Variants in PRRG1 observed in about 807,000 individuals in gnomAD.
PRRG1 encodes proline rich and Gla domain 1, also known as transmembrane gamma-carboxyglutamic acid protein 1.
In PRRG1, 5 loss-of-function variants were observed where a neutral mutation model predicts 11.8. The ratio of observed to expected loss-of-function variants is 0.42; its 90% CI spans 0.22 to 0.89. The LOEUF is 0.89. PRRG1 is among the 40% of genes least tolerant of loss of function. PRRG1 has a pLI of 0.28. For missense variants in PRRG1, 155 were observed against 166.1 expected (o/e 0.93, Z 0.37); for synonymous variants, 66 against 60.4 (o/e 1.09, Z -0.43).
intron 3 of PRRG1, among the ~76,000 whole-genome samples, chrX:37,438,859 G>A (rs782647711): frequency 1.4e-4 from 16 of 112,028 alleles, no homozygotes; most frequent in African/African-American, 4.9e-4. Context: ...TCTGGATGGG[G>A]TGACTACTGT....
At chrX:37,430,257 G>GA (rs112360266) in intron 3 of PRRG1, among the ~76,000 whole-genome samples, 29,706 of 108,578 alleles carry the variant, frequency 0.27, 5,849 homozygotes, top group African/African-American at 0.69. Flanking sequence ...ATAGAGCTAG[G>GA]AAAAAAAAAT....
At position 37,456,270 on chromosome X, in the gene PRRG1, GTT is replaced by G. The variant is rs1921356034; in HGVS notation, c.*2652_*2653del. 8.9e-6 allele frequency: 1 copy of G among 112,053 alleles called. No homozygotes were observed. The highest frequency in any genetic ancestry group is 1.9e-5 in the Non-Finnish European group (1 of 53,188). 9.2% of individuals were successfully genotyped at this position (112,053 alleles called of 1,213,427 possible). On this transcript the variant is annotated 3_prime_UTR_variant, in exon 4 of 4. Coordinates refer to ENST00000378628, the MANE Select transcript of PRRG1 (RefSeq NM_001142395.2). ...GTGTAAGGGGGTCCAGAGACCAAAAGTTTTAGAGCTACAGGATTAGACATAGG... is the reference window on the plus strand; with the variant it reads ...GTGTAAGGGGGTCCAGAGACCAAAAGTTAGAGCTACAGGATTAGACATAGG...
intron 2 of PRRG1, among the ~76,000 whole-genome samples, chrX:37,415,693 G>A (rs1932476358): frequency 8.9e-6 from 1 of 111,734 alleles, no homozygotes; most frequent in Non-Finnish European, 1.9e-5. Flanking sequence ...GTCTTAGGCC[G>A]AATTTTGCTA....
At chrX:37,403,398 C>A (rs10442524) in intron 1 of PRRG1, among the ~76,000 whole-genome samples, 44,806 of 98,243 alleles carry the variant, frequency 0.46, 10,709 homozygotes, top group African/African-American at 0.85. Context: ...CAAACACCGC[C>A]TGTTCTCACT....
chrX:37,390,312 A>G (rs1267612147), intron 1 of PRRG1, among the ~76,000 whole-genome samples: 2 of 111,602 alleles, frequency 1.8e-5, no homozygotes, highest in South Asian at 3.8e-4. Flanking sequence ...AGGGACACCA[A>G]CATTCAGACC....
intron 2 of PRRG1, among the ~76,000 whole-genome samples, chrX:37,411,507 T>C (rs782533157): frequency 8.9e-5 from 10 of 112,544 alleles, no homozygotes; most frequent in African/African-American, 3.2e-4. Context: ...TTTTCAGTTT[T>C]CTTGCTTTAA....
At chrX:37,425,704 A>G (rs1427684672) in intron 2 of PRRG1, 136 bp from the exon 3 acceptor site, 5 of 496,253 alleles carry the variant, frequency 1.0e-5, no homozygotes, top group Non-Finnish European at 1.6e-5. Flanking sequence ...AGTGGTTTGG[A>G]GCTAAGTGTT....
intron 1 of PRRG1, among the ~76,000 whole-genome samples, chrX:37,374,418 T>A (rs1417599936): frequency 4.5e-5 from 5 of 111,964 alleles, no homozygotes; most frequent in Non-Finnish European, 7.5e-5. Flanking sequence ...AATCATTTCG[T>A]ATCTTGTATA....
chrX:37,370,197 C>T (rs183938627), intron 1 of PRRG1, among the ~76,000 whole-genome samples: 8 of 111,897 alleles, frequency 7.1e-5, no homozygotes, highest in African/African-American at 2.6e-4. Flanking sequence ...AAATAGTATT[C>T]CATTGTGAGT....
At chrX:37,365,174 C>T (rs1930532894) in intron 1 of PRRG1, among the ~76,000 whole-genome samples, 1 of 111,431 alleles carries the variant, frequency 9.0e-6, no homozygotes, top group African/African-American at 3.3e-5. Flanking sequence ...AAGAAGGAGT[C>T]GGGGGCTCCT....
At chrX:37,388,857 G>A (rs1455239248) in intron 1 of PRRG1, among the ~76,000 whole-genome samples, 1 of 112,514 alleles carries the variant, frequency 8.9e-6, no homozygotes, top group African/African-American at 3.2e-5. Flanking sequence ...ACGTGGCCAG[G>A]CTGCAAATTT....
rs189462529 is a variant in PRRG1, at chrX:37,450,398, T to G, written c.172-2738T>G. 3.5e-3 allele frequency among the ~76,000 whole-genome samples: 387 copies of G among 110,261 alleles called. 2 individuals are homozygous for G. The highest frequency in any genetic ancestry group is 0.012 in the African/African-American group (365 of 29,614). On this transcript the variant is annotated intron_variant, in intron 3 of 3. Coordinates refer to ENST00000378628, the MANE Select transcript of PRRG1 (RefSeq NM_001142395.2). ...ATTAAAATCTGGTTTACTAATTCAG[T>G]TTTTGCCTAAGCTTTGTTTTTATCC... is the stretch of plus-strand genomic sequence containing the variant.
chrX:37,360,683 C>T (rs192925575), intron 1 of PRRG1, among the ~76,000 whole-genome samples: 1 of 112,375 alleles, frequency 8.9e-6, no homozygotes, highest in East Asian at 2.8e-4. Context: ...ATTGATGGTA[C>T]TATCAAAGCT....
intron 1 of PRRG1, among the ~76,000 whole-genome samples, chrX:37,385,666 G>A (rs1317953593): frequency 9.0e-6 from 1 of 110,507 alleles, no homozygotes; most frequent in Non-Finnish European, 1.9e-5. Flanking sequence ...TTTGGCATAG[G>A]GTCTCTCATG....
chrX:37,432,798 G>T (rs1429324885), intron 3 of PRRG1, among the ~76,000 whole-genome samples: 2 of 111,470 alleles, frequency 1.8e-5, no homozygotes, highest in East Asian at 5.6e-4. Flanking sequence ...CTACAGACTT[G>T]TATGGCTAAC....
At chrX:37,428,158 G>C (rs1169083947) in intron 3 of PRRG1, among the ~76,000 whole-genome samples, 4 of 110,399 alleles carry the variant, frequency 3.6e-5, no homozygotes, top group African/African-American at 1.3e-4. Context: ...ATTTGGGTGG[G>C]GACACAGCCA....
At chrX:37,432,557 G>A (rs1932843224) in intron 3 of PRRG1, among the ~76,000 whole-genome samples, 3 of 111,125 alleles carry the variant, frequency 2.7e-5, no homozygotes, top group Admixed American at 1.9e-4. Flanking sequence ...CTGTACTTCC[G>A]GCATCACCTT....
chrX:37,394,198 A>G (rs1011103909), intron 1 of PRRG1, among the ~76,000 whole-genome samples: 1 of 112,228 alleles, frequency 8.9e-6, no homozygotes, highest in Non-Finnish European at 1.9e-5. Flanking sequence ...TTGAATTTCT[A>G]TTCTTTGAAG....
intron 3 of PRRG1, among the ~76,000 whole-genome samples, chrX:37,430,726 C>A (rs1009191279): frequency 8.9e-6 from 1 of 111,754 alleles, no homozygotes; most frequent in Non-Finnish European, 1.9e-5. Context: ...CCAATGGTTA[C>A]ATCTTACATA....
Sources: gnomAD v4.1 joint callset for allele counts (sites outside exome capture counted in the v4.1 genomes callset) on GRCh38, gnomAD v4.1.1 for gene constraint, MANE v1.5 for transcripts, NCBI Gene and HGNC (gene_info 2026-07-23, HGNC 2026-07-21) for gene names.